Variants in MARCHF8 observed in about 807,000 individuals in gnomAD.
MARCHF8 encodes the protein E3 ubiquitin-protein ligase MARCHF8.
A neutral mutation model predicts 51.6 loss-of-function variants in MARCHF8; 40 were observed. The observed-to-expected ratio is 0.77, with a 90% CI of 0.60 to 1.01. The LOEUF (loss-of-function observed/expected upper bound fraction) is 1.01, where lower values mean the gene tolerates loss of function less well. Ranked by LOEUF, MARCHF8 falls within the 50% of genes least tolerant of loss-of-function variation. The pLI, the probability that MARCHF8 is intolerant of heterozygous loss-of-function variation, is 0.00. For missense variants in MARCHF8, 685 were observed against 708.6 expected, an observed-to-expected ratio of 0.97 and a Z score of 0.38; for synonymous variants, 263 against 280.3, an observed-to-expected ratio of 0.94 and a Z score of 0.62.
intron 2 of MARCHF8, among the ~76,000 whole-genome samples, chr10:45,506,632 T>C (rs1391899683): frequency 6.6e-6 from 1 of 152,234 alleles, no homozygotes; most frequent in African/African-American, 2.4e-5. Context: ...AGACTGAATA[T>C]TGAGACATTT....
chr10:45,591,443 G>C (rs1259582007), intron 1 of MARCHF8, among the ~76,000 whole-genome samples: 1 of 151,574 alleles, frequency 6.6e-6, no homozygotes, highest in Admixed American at 6.6e-5. Context: ...CATCCAGCCT[G>C]AGTGACAGAG....
At chr10:45,594,115 C>A (rs1589202923) in intron 1 of MARCHF8, 1 of 152,276 alleles carries the variant, frequency 6.6e-6, no homozygotes, top group African/African-American at 2.4e-5. Flanking sequence ...CATTATAACC[C>A]CCACCCAATA....
chr10:45,538,753 A>G (rs1002215339), upstream of MARCHF8, among the ~76,000 whole-genome samples: 3 of 152,230 alleles, frequency 2.0e-5, no homozygotes, highest in African/African-American at 7.2e-5. Flanking sequence ...GATCAATTCA[A>G]CAAGAAGAGC....
At chr10:45,522,505 G>A (rs2043724189) in intron 2 of MARCHF8, among the ~76,000 whole-genome samples, 1 of 152,086 alleles carries the variant, frequency 6.6e-6, no homozygotes, top group African/African-American at 2.4e-5. Context: ...CAAATCAGTT[G>A]AGCACATCTT....
At chr10:45,561,900 CAAAAAAAAA>C (rs34329041) in intron 1 of MARCHF8, among the ~76,000 whole-genome samples, 1 of 41,534 alleles carries the variant, frequency 2.4e-5, no homozygotes, top group African/African-American at 9.0e-5. Flanking sequence ...GACTCCGTCT[CAAAAAAAAA>C]AAAAAAAAAA....
intron 1 of MARCHF8, among the ~76,000 whole-genome samples, chr10:45,583,400 G>A (rs376606741): frequency 6.6e-6 from 1 of 152,012 alleles, no homozygotes; most frequent in Non-Finnish European, 1.5e-5. Context: ...AATGTTCAAA[G>A]ATATATATAT....
At chr10:45,592,497 C>T (rs986294569) in intron 1 of MARCHF8, among the ~76,000 whole-genome samples, 3 of 151,830 alleles carry the variant, frequency 2.0e-5, no homozygotes, top group Non-Finnish European at 4.4e-5. Flanking sequence ...TTTCAAGGCT[C>T]GAAAAAATGA....
At chr10:45,536,835 A>AAAT (rs60341718), upstream of MARCHF8, among the ~76,000 whole-genome samples, 27,774 of 134,568 alleles carry the variant, frequency 0.21, 2,863 homozygotes, top group African/African-American at 0.23. Context: ...ATCTCTACCA[A>AAAT]AATAATAATA....
chr10:45,569,064 CAAA>C (rs71023131), intron 1 of MARCHF8, among the ~76,000 whole-genome samples: 3 of 64,410 alleles, frequency 4.7e-5, no homozygotes, highest in Non-Finnish European at 6.0e-5. Context: ...GACTCCATCT[CAAA>C]AAAAAAAAAA....
chr10:45,536,496 G>C (rs1373280709), upstream of MARCHF8, among the ~76,000 whole-genome samples: 1 of 151,632 alleles, frequency 6.6e-6, no homozygotes, highest in African/African-American at 2.4e-5. Flanking sequence ...TATAATCCCA[G>C]AACTTTGGGA....
intron 4 of MARCHF8, 67 bp from the exon 5 acceptor site, chr10:45,464,063 T>C (rs1373359611): frequency 6.0e-6 from 9 of 1,500,698 alleles, no homozygotes; most frequent in South Asian, 2.6e-5. Context: ...ATAGACATCA[T>C]AGTGAAGAAA....
intron 1 of MARCHF8, among the ~76,000 whole-genome samples, chr10:45,540,755 G>A (rs35932182): frequency 0.062 from 9,385 of 152,058 alleles, 329 homozygotes; most frequent in Non-Finnish European, 0.067. Flanking sequence ...AAAAGTGGGC[G>A]AAGGACATGA....
chr10:45,550,601 T>G (rs1324667125), intron 1 of MARCHF8, among the ~76,000 whole-genome samples: 5 of 152,086 alleles, frequency 3.3e-5, no homozygotes, highest in Non-Finnish European at 5.9e-5. Context: ...AGAATTTGCC[T>G]CACTACTCAC....
At chr10:45,572,496 A>C (rs2044442033) in intron 1 of MARCHF8, among the ~76,000 whole-genome samples, 2 of 152,132 alleles carry the variant, frequency 1.3e-5, no homozygotes, top group Middle Eastern at 3.2e-3. Flanking sequence ...ACCCCAATAC[A>C]AACTCGATAA....
In MARCHF8 at chr10:45,515,424, T is replaced by A. The variant is rs117757396; in HGVS notation, c.102+17686A>T. On this transcript the variant is annotated intron_variant, in intron 2 of 7. Transcript: ENST00000453424. ...CCATGAGTATTCTGTTCCTCGCTGC[T>A]TCTAATTTATTTGTTGTTCTGCAAC... 2.6e-5 allele frequency among the ~76,000 whole-genome samples: 4 copies of A among 152,374 alleles called. No individual in the cohort carries two copies. The East Asian group carries it at 7.7e-4, about 29-fold the overall frequency.
intron 5 of MARCHF8, chr10:45,462,204 G>A (rs571007193): frequency 6.6e-6 from 1 of 152,386 alleles, no homozygotes; most frequent in South Asian, 2.1e-4. Flanking sequence ...CCAAATGTTA[G>A]AAATGATGAC....
At chr10:45,524,214 T>G (rs1644124825) in intron 2 of MARCHF8, among the ~76,000 whole-genome samples, 1 of 152,166 alleles carries the variant, frequency 6.6e-6, no homozygotes, top group Admixed American at 6.5e-5. Context: ...CTCTTTATTC[T>G]CAAAGAAAAC....
rs2043595667 is a variant in MARCHF8, at chr10:45,515,043, G to T, written c.102+18067C>A. Among the ~76,000 whole-genome samples, 9 of 152,266 alleles carry T rather than the reference G, an allele frequency of 5.9e-5. No homozygotes were observed. In the South Asian group the frequency reaches 1.9e-3, roughly 32 times the overall value. Reference sequence around the variant, plus strand: ...GCCAGGAAACAAACTGCTTCAAGGAGGAATTTTCCTGGTTTCAGGCTATAA... The same window carrying T: ...GCCAGGAAACAAACTGCTTCAAGGATGAATTTTCCTGGTTTCAGGCTATAA... On this transcript the variant is annotated intron_variant, in intron 2 of 7. Transcript: ENST00000453424.
At chr10:45,469,472 T>C (rs993638178) in intron 3 of MARCHF8, among the ~76,000 whole-genome samples, 1 of 152,104 alleles carries the variant, frequency 6.6e-6, no homozygotes, top group Non-Finnish European at 1.5e-5. Context: ...TACAATAAAA[T>C]AGAATATGTC....
Sources: allele counts gnomAD v4.1 joint callset (sites outside exome capture counted in the v4.1 genomes callset), GRCh38; gene constraint gnomAD v4.1.1; transcripts MANE v1.5; gene names NCBI Gene and HGNC (gene_info 2026-07-23, HGNC 2026-07-21).